The following TPM3 variants were observed in gnomAD, a reference collection of about 807,000 sequenced individuals.
The protein encoded by TPM3 is tropomyosin alpha-3 chain.
In TPM3, 16 loss-of-function variants were observed where a neutral mutation model predicts 43.1. The ratio of observed to expected loss-of-function variants is 0.37; its 90% confidence interval spans 0.25 to 0.56. The LOEUF (loss-of-function observed/expected upper bound fraction) is 0.56. Ranked by LOEUF, TPM3 falls within the 20% of genes least tolerant of loss-of-function variation. The pLI, the probability that TPM3 is intolerant of heterozygous loss-of-function variation, is 0.77. For missense variants in TPM3, 176 were observed against 337.2 expected, an observed-to-expected ratio of 0.52 and a Z score of 3.74; for synonymous variants, 101 against 116.9, an observed-to-expected ratio of 0.86 and a Z score of 0.88.
Position 154,171,423 on chromosome 1 carries a change from T to C in TPM3, c.632A>G (p.Gln211Arg), listed in dbSNP as rs755509375. ...CAAACCAGCCCCTACCTTCTCCGCCTGAGCCTCAAGAGACTTGAGGTTGTT... is the reference window on the plus strand; with the variant it reads ...CAAACCAGCCCCTACCTTCTCCGCCCGAGCCTCAAGAGACTTGAGGTTGTT... ...VTNNLKSLEAQAEKYSQKEDK... is the reference protein window; with the variant it reads ...VTNNLKSLEARAEKYSQKEDK... Residue 211 changes from glutamine (Q) to arginine (R), a missense_variant, in exon 6 of 10, where the codon CAG becomes CGG. By Grantham distance (43) the Gln-to-Arg change is conservative. Transcript: ENST00000651641. 3 of 1,614,068 alleles carry C rather than the reference T, an allele frequency of 1.9e-6. No homozygotes were observed. In the African/African-American group the frequency reaches 4.0e-5, roughly 22 times the overall value.
At position 154,170,372 on chromosome 1, in the gene TPM3, A is replaced by G. The variant is rs371206230; in HGVS notation, c.775+28T>C. The G allele has an allele frequency of 2.5e-6, 4 of 1,611,646 alleles. No homozygotes were observed. The African/African-American group carries it at 5.3e-5, about 22-fold the overall frequency. ...GGGCAGTCTTCCTCTATATTTCTCT[A>G]TTTCAATCCCTACTCCAGGTTCCAT... On this transcript the variant is annotated intron_variant, in intron 8 of 9. Coordinates refer to ENST00000651641, the MANE Select transcript of TPM3 (RefSeq NM_152263.4).
rs1660454918 is a variant in TPM3 at position 154,162,302 on chromosome 1, T to C, written c.*5635A>G. Among the ~76,000 whole-genome samples, 1 of 147,530 alleles carries C rather than the reference T, an allele frequency of 6.8e-6. No homozygotes were observed. Among genetic ancestry groups the C allele is most frequent in the Non-Finnish European group, 1.5e-5 (1 of 67,460 alleles). On this transcript the variant is annotated 3_prime_UTR_variant, in exon 10 of 10. Coordinates refer to ENST00000651641, the MANE Select transcript of TPM3 (RefSeq NM_152263.4). ...ATCACTTAAACCCAGGAGGCGGAGC[T>C]TGCAGTGAGCCAAGATCACACCACC...
chr1:154,191,902 C>G lies in TPM3; in HGVS notation c.117G>C (p.Gln39His), dbSNP rs745873000. ...EQKQAEERSK[Q>H]LEDELAAMQK... ...GAGAGAGATCAATGCCAGTGCCTAC[C>G]TGTTTACTTCTTTCTTCTGCCTGCT... The change falls in exon 1 of 10, where the codon CAG becomes CAC. Residue 39 changes from glutamine (Q) to histidine (H), a missense_variant and splice_region_variant. By Grantham distance (24) the Gln-to-His change is conservative. Around this residue, in one of 4 missense-constraint regions of TPM3, gnomAD observed 82 missense variants for 148.8 expected, o/e 0.55. Transcript: ENST00000651641. 1 of 1,613,234 alleles carries G rather than the reference C, an allele frequency of 6.2e-7. No homozygotes were observed. Among genetic ancestry groups the G allele is most frequent in the Non-Finnish European group, 8.5e-7 (1 of 1,179,734 alleles).
Position 154,164,632 on chromosome 1 carries a change from A to C in TPM3, c.*3305T>G, listed in dbSNP as rs1257977344. Among the ~76,000 whole-genome samples, 1 of 152,202 alleles carries C rather than the reference A, an allele frequency of 6.6e-6. No homozygotes were observed. The highest frequency in any genetic ancestry group is 2.4e-5 in the African/African-American group (1 of 41,456). On this transcript the variant is annotated 3_prime_UTR_variant, in exon 10 of 10. Coordinates refer to ENST00000651641, the MANE Select transcript of TPM3 (RefSeq NM_152263.4). ...ATTAACCTAACCCAATTTTTTCCAA[A>C]GTGTGGTGTATTCACTGCTATAGTT...
At chr1:154,177,363 G>A (rs931224564) in intron 2 of TPM3, among the ~76,000 whole-genome samples, 6 of 152,004 alleles carry the variant, frequency 3.9e-5, no homozygotes, top group African/African-American at 9.7e-5. Flanking sequence ...CTAATACAGC[G>A]ACAATCTTCC....
downstream of TPM3, chr1:154,157,763 A>C: frequency 1.3e-6 from 1 of 780,624 alleles, no homozygotes; most frequent in South Asian, 1.3e-5. Flanking sequence ...ACTAGAAGTA[A>C]ATTTCAAGGT....
At chr1:154,191,628 C>A in intron 1 of TPM3, 1 of 1,414,384 alleles carries the variant, frequency 7.1e-7, no homozygotes, top group Non-Finnish European at 9.2e-7. Context: ...AGAACTCTTA[C>A]CTTTTCCTCT....
chr1:154,171,897 T>A, intron 5 of TPM3: 1 of 954,744 alleles, frequency 1.0e-6, no homozygotes, highest in Non-Finnish European at 1.7e-6. Flanking sequence ...TGGAAAAGAA[T>A]GGAGCATTCC....
At position 154,164,369 on chromosome 1, in the gene TPM3, A is replaced by C. The variant is rs1003298566; in HGVS notation, c.*3568T>G. 6.6e-6 allele frequency among the ~76,000 whole-genome samples: 1 copy of C among 152,110 alleles called. No homozygotes were observed. The highest frequency in any genetic ancestry group is 6.5e-5 in the Admixed American group (1 of 15,270). On this transcript the variant is annotated 3_prime_UTR_variant, in exon 10 of 10. Transcript: ENST00000651641. ...AGAGACAGGTTCTCACTTTATTGCC[A>C]GGCTGGTCTCGAACTCCTGGATTCA... is the stretch of plus-strand genomic sequence containing the variant.
downstream of TPM3, among the ~76,000 whole-genome samples, chr1:154,161,493 T>C (rs925994686): frequency 2.4e-4 from 35 of 147,130 alleles, no homozygotes; most frequent in Admixed American, 1.1e-3. Flanking sequence ...TGGAGTGCAA[T>C]GGTACGATTT....
rs763202740 is a variant in TPM3 at position 154,164,077 on chromosome 1, G to A, written c.*3860C>T. Among the ~76,000 whole-genome samples, 4 of 151,940 alleles carry A rather than the reference G, an allele frequency of 2.6e-5. No homozygotes were observed. The highest frequency in any genetic ancestry group is 5.9e-5 in the Non-Finnish European group (4 of 67,986). ...GAATTTTGTTTTCACCCAGATACCT[G>A]CCAGATTGTCAGCCGTATCTTCTTT... is the stretch of plus-strand genomic sequence containing the variant. On this transcript the variant is annotated 3_prime_UTR_variant, in exon 10 of 10. Transcript: ENST00000651641.
chr1:154,159,067 G>T (rs933099191), downstream of TPM3: 4 of 780,326 alleles, frequency 5.1e-6, no homozygotes, highest in Non-Finnish European at 9.6e-6. Context: ...GCAACGGAGA[G>T]GAGGGGAACA....
At chr1:154,181,388 GAAAAAC>G (rs1472928587) in intron 2 of TPM3, among the ~76,000 whole-genome samples, 1 of 151,744 alleles carries the variant, frequency 6.6e-6, no homozygotes, top group Non-Finnish European at 1.5e-5. Flanking sequence ...CAGCCAAAAA[GAAAAAC>G]AAAAACAAAA....
chr1:154,160,759 T>C (rs575379929), downstream of TPM3, among the ~76,000 whole-genome samples: 101 of 152,304 alleles, frequency 6.6e-4, no homozygotes, highest in Admixed American at 3.1e-3. Flanking sequence ...ACAAACACTA[T>C]ACAGGCTGAG....
At chr1:154,160,989 A>G (rs1660294756), downstream of TPM3, among the ~76,000 whole-genome samples, 1 of 152,108 alleles carries the variant, frequency 6.6e-6, no homozygotes, top group Non-Finnish European at 1.5e-5. Flanking sequence ...AGTGCACAAC[A>G]GCCCTGAACT....
Position 154,167,871 on chromosome 1 carries a change from A to T in TPM3, c.*66T>A, listed in dbSNP as rs1326050231. The T allele has an allele frequency of 1.9e-6, 3 of 1,613,736 alleles. No homozygotes were observed. The highest frequency in any genetic ancestry group is 2.5e-6 in the Non-Finnish European group (3 of 1,179,822). ...TGACCCAAATGGAATCCAGAGCGAG[A>T]GTGGGGCCTTGGGTTCCCCGAGGAG... is the stretch of plus-strand genomic sequence containing the variant. On this transcript the variant is annotated 3_prime_UTR_variant, in exon 10 of 10. Coordinates refer to ENST00000651641, the MANE Select transcript of TPM3 (RefSeq NM_152263.4).
rs1663690447 is a variant in TPM3 at position 154,191,791 on chromosome 1, C to T, written c.117+111G>A. 3 of 1,582,626 alleles carry T rather than the reference C, an allele frequency of 1.9e-6. No homozygotes were observed. The Admixed American group carries it at 5.0e-5, about 26-fold the overall frequency. ...TCCAGTGAGGCTGGGGAGTCCATCC[C>T]ACCCCCAAAAAGGAGGTGACACCAG... On this transcript the variant is annotated intron_variant, in intron 1 of 9. Coordinates refer to ENST00000651641, the MANE Select transcript of TPM3 (RefSeq NM_152263.4).
At chr1:154,155,872 T>A (rs1659750792), downstream of TPM3, 1 of 212,406 alleles carries the variant, frequency 4.7e-6, no homozygotes, top group South Asian at 1.9e-4. Flanking sequence ...ATCTTCATGT[T>A]TACTCTGACA....
chr1:154,161,230 C>G (rs1267755388), downstream of TPM3, among the ~76,000 whole-genome samples: 3 of 149,890 alleles, frequency 2.0e-5, no homozygotes, highest in Non-Finnish European at 4.4e-5. Context: ...GGTATATAAG[C>G]TTCATGAGGC....
Sources: allele counts gnomAD v4.1 joint callset (sites outside exome capture counted in the v4.1 genomes callset), GRCh38; gene constraint gnomAD v4.1.1; regional missense constraint gnomAD v4.1.1; transcripts MANE v1.5; gene names NCBI Gene and HGNC (gene_info 2026-07-23, HGNC 2026-07-21).